The following TRIM49 variants were observed in gnomAD, a reference collection of about 807,000 sequenced individuals.
TRIM49 encodes the protein tripartite motif-containing protein 49.
In TRIM49, 5 loss-of-function variants were observed where a neutral mutation model predicts 27.4. The ratio of observed to expected loss-of-function variants is 0.18; its 90% CI spans 0.10 to 0.38. TRIM49 has a LOEUF of 0.38. Ranked by LOEUF, TRIM49 falls within the 10% of genes least tolerant of loss-of-function variation. The pLI is 1.00. For missense variants in TRIM49, 188 were observed against 487.5 expected, an observed-to-expected ratio of 0.39 and a Z score of 5.79; for synonymous variants, 69 against 166.0, an observed-to-expected ratio of 0.42 and a Z score of 4.49.
the TRIM49 span, among the ~76,000 whole-genome samples, chr11:89,772,376 A>G: frequency 1.5e-5 from 2 of 129,122 alleles, no homozygotes; most frequent in Admixed American, 7.1e-5. Flanking sequence ...ACTACATGGG[A>G]TCTTGACACC....
At chr11:89,768,592 A>C in the TRIM49 span, among the ~76,000 whole-genome samples, 23 of 135,638 alleles carry the variant, frequency 1.7e-4, 7 homozygotes, top group African/African-American at 7.6e-4. Flanking sequence ...CAAAACAGAA[A>C]CCCCTGAGTC....
chr11:89,783,584 G>A, the TRIM49 span, among the ~76,000 whole-genome samples: 8 of 128,534 alleles, frequency 6.2e-5, no homozygotes, highest in Non-Finnish European at 9.7e-5. Context: ...GGGTAGAGGA[G>A]CAGGACTTAG....
At chr11:89,801,084 T>C (rs1949732993) in intron 5 of TRIM49, 96 bp from the exon 6 acceptor site, 5 of 1,405,632 alleles carry the variant, frequency 3.6e-6, no homozygotes, top group Middle Eastern at 2.0e-4. Flanking sequence ...TCTGAAGATA[T>C]TATTTCCCTA....
At chr11:89,794,748 C>G (rs1457392560), downstream of TRIM49, among the ~76,000 whole-genome samples, 1 of 144,316 alleles carries the variant, frequency 6.9e-6, no homozygotes, top group Non-Finnish European at 1.5e-5. Flanking sequence ...CAAGATGGAT[C>G]AAAGACTTAA....
the TRIM49 span, among the ~76,000 whole-genome samples, chr11:89,768,514 T>C: frequency 5.2e-5 from 7 of 134,742 alleles, 1 homozygote; most frequent in Non-Finnish European, 7.5e-5. Flanking sequence ...AAATAGTTGA[T>C]CTCTAATTAT....
At chr11:89,796,198 G>T (rs199881310), downstream of TRIM49, among the ~76,000 whole-genome samples, 1 of 152,078 alleles carries the variant, frequency 6.6e-6, no homozygotes, top group Admixed American at 6.5e-5. Flanking sequence ...TATAATTAGC[G>T]CATTTATAAT....
chr11:89,803,026 T>C lies in TRIM49; in HGVS notation c.507+672A>G, dbSNP rs1381638263. Among the ~76,000 whole-genome samples the C allele has an allele frequency of 4.0e-5, 6 of 150,700 alleles. 1 individual carries two copies. The highest frequency in any genetic ancestry group is 1.5e-4 in the African/African-American group (6 of 40,440). ...TTCAACAAACTAATCTTAGCTATCA[T>C]ACCCTCAAAATATACATCCACGAAG... On this transcript the variant is annotated intron_variant, in intron 4 of 7. Transcript: ENST00000329758.
chr11:89,796,122 T>G (rs1237078014), downstream of TRIM49, among the ~76,000 whole-genome samples: 1 of 151,970 alleles, frequency 6.6e-6, no homozygotes, highest in Non-Finnish European at 1.5e-5. Context: ...TTTTGTCTGG[T>G]CTAAGCAAAC....
At chr11:89,802,279 C>A (rs565098410) in intron 4 of TRIM49, among the ~76,000 whole-genome samples, 8 of 150,622 alleles carry the variant, frequency 5.3e-5, no homozygotes, top group Non-Finnish European at 7.4e-5. Context: ...GGAAACAATT[C>A]TTTCTATTTC....
rs1350833830 is a variant in TRIM49, at chr11:89,807,641, G to A, written c.-190-357C>T. Among the ~76,000 whole-genome samples the A allele has an allele frequency of 4.6e-5, 7 of 150,844 alleles. 1 individual carries two copies. The highest frequency in any genetic ancestry group is 7.4e-5 in the African/African-American group (3 of 40,434). The stretch of plus-strand genomic sequence containing the variant: ...GCCTTGAATTCCAAGTAATCCTCCT[G>A]CTTCAGCCTTCCAAGTAGCTACGAC... On this transcript the variant is annotated intron_variant, in intron 1 of 7. Transcript: ENST00000329758.
At chr11:89,768,766 T>A in the TRIM49 span, 2 of 499,400 alleles carry the variant, frequency 4.0e-6, no homozygotes, top group East Asian at 1.2e-4. Context: ...TTGATGTTTT[T>A]CACAGCACGC....
chr11:89,770,975 A>T, the TRIM49 span, among the ~76,000 whole-genome samples: 2 of 110,020 alleles, frequency 1.8e-5, no homozygotes, highest in Non-Finnish European at 3.5e-5. Flanking sequence ...CACTCTATCA[A>T]TTTTTTTTTT....
At chr11:89,805,800 C>T (rs1949785229) in intron 2 of TRIM49, among the ~76,000 whole-genome samples, 1 of 148,996 alleles carries the variant, frequency 6.7e-6, no homozygotes, top group Admixed American at 6.6e-5. Flanking sequence ...TCACTGTAAC[C>T]TCCGCCTCCA....
chr11:89,785,226 GAATAAATA>G, the TRIM49 span, among the ~76,000 whole-genome samples: 23,200 of 132,896 alleles, frequency 0.17, 3,483 homozygotes, highest in African/African-American at 0.37. Flanking sequence ...CTGCCTCAGT[GAATAAATA>G]AATAAATAAA....
the TRIM49 span, chr11:89,787,920 C>A: frequency 2.7e-6 from 1 of 374,412 alleles, no homozygotes; most frequent in Admixed American, 3.9e-5. Context: ...CCCGGGACCA[C>A]CGGGCCGCGT....
At chr11:89,768,612 A>G in the TRIM49 span, among the ~76,000 whole-genome samples, 18,013 of 132,146 alleles carry the variant, frequency 0.14, 582 homozygotes, top group East Asian at 0.3. Context: ...CACTTGGAAA[A>G]GTAAGAAAAG....
the TRIM49 span, chr11:89,789,430 C>A: frequency 7.6e-6 from 1 of 131,780 alleles, no homozygotes; most frequent in Non-Finnish European, 1.6e-5. Context: ...CCCAGGCACA[C>A]TTCTCCAAGC....
intron 1 of TRIM49, 115 bp from the exon 2 acceptor site, chr11:89,807,399 TATC>T (rs1474119701): frequency 1.3e-5 from 2 of 151,612 alleles, no homozygotes; most frequent in Non-Finnish European, 2.9e-5. Context: ...CTGATTAAAT[TATC>T]ATCACACTTT....
chr11:89,785,775 C>T, the TRIM49 span, among the ~76,000 whole-genome samples: 2 of 144,094 alleles, frequency 1.4e-5, no homozygotes, highest in African/African-American at 5.5e-5. Flanking sequence ...TATCAATGTC[C>T]TAAGAAAATT....
Sources: allele counts gnomAD v4.1 joint callset (sites outside exome capture counted in the v4.1 genomes callset), GRCh38; gene constraint gnomAD v4.1.1; transcripts MANE v1.5; gene names NCBI Gene and HGNC (gene_info 2026-07-23, HGNC 2026-07-21).